The following GPC6 variants were observed in gnomAD, a reference collection of about 807,000 sequenced individuals.
GPC6 encodes glypican-6.
GPC6 carries 14 observed loss-of-function variants against 55.2 expected under a neutral mutation model. That is an observed-to-expected ratio of 0.25 (90% CI 0.17 to 0.40). GPC6 has a LOEUF of 0.40. Among genes scored for constraint, GPC6 ranks in the 10% least tolerant of loss-of-function variants. GPC6 has a pLI of 1.00. For synonymous variants in GPC6, 278 were observed against 259.6 expected (o/e 1.07, Z -0.68); for missense variants, 641 against 708.5 (o/e 0.90, Z 1.08).
chr13:94,041,149 C>T (rs553347436), intron 4 of GPC6, among the ~76,000 whole-genome samples: 14 of 151,820 alleles, frequency 9.2e-5, no homozygotes, highest in South Asian at 4.2e-4. Flanking sequence ...GAGTTACATC[C>T]GGACATTTAT....
intron 7 of GPC6, among the ~76,000 whole-genome samples, chr13:94,396,686 G>A (rs1880911055): frequency 6.6e-6 from 1 of 152,240 alleles, no homozygotes; most frequent in African/African-American, 2.4e-5. Flanking sequence ...CTGTAGGACA[G>A]GAAGGCATGG....
intron 4 of GPC6, among the ~76,000 whole-genome samples, chr13:94,212,201 T>G (rs527800438): frequency 3.2e-4 from 48 of 152,336 alleles, no homozygotes; most frequent in African/African-American, 1.1e-3. Context: ...AACTTATTTT[T>G]TTTCAACATC....
intron 3 of GPC6, among the ~76,000 whole-genome samples, chr13:93,934,722 C>T (rs1878347761): frequency 6.6e-6 from 1 of 151,922 alleles, no homozygotes; most frequent in African/African-American, 2.4e-5. Context: ...TAGTGTCTGA[C>T]TTTGTGAATT....
intron 2 of GPC6, among the ~76,000 whole-genome samples, chr13:93,726,233 A>G (rs1883636150): frequency 6.6e-6 from 1 of 151,240 alleles, no homozygotes; most frequent in South Asian, 2.1e-4. Flanking sequence ...TCGTGTATCG[A>G]ACATGGTGAC....
intron 4 of GPC6, among the ~76,000 whole-genome samples, chr13:94,208,753 CAAAAAA>C (rs762261930): frequency 3.9e-4 from 14 of 36,228 alleles, no homozygotes; most frequent in African/African-American, 1.6e-3. Context: ...TCCCATCTCC[CAAAAAA>C]AAAAAAAAAA....
At chr13:94,314,511 A>T (rs1160510564) in intron 6 of GPC6, among the ~76,000 whole-genome samples, 1 of 152,202 alleles carries the variant, frequency 6.6e-6, no homozygotes, top group East Asian at 1.9e-4. Flanking sequence ...TCTGCTATGT[A>T]ATTGGTGTTT....
chr13:94,361,057 T>C (rs1879038404), intron 6 of GPC6, among the ~76,000 whole-genome samples: 1 of 152,206 alleles, frequency 6.6e-6, no homozygotes, highest in Admixed American at 6.5e-5. Flanking sequence ...ACCATAGAAA[T>C]GCAATTCTCA....
chr13:94,011,664 C>T (rs1882250919), intron 3 of GPC6, among the ~76,000 whole-genome samples: 1 of 152,180 alleles, frequency 6.6e-6, no homozygotes, highest in South Asian at 2.1e-4. Context: ...TCCCAATATT[C>T]CACTTTGAGT....
chr13:94,112,109 G>C (rs980734974), intron 4 of GPC6, among the ~76,000 whole-genome samples: 5 of 152,024 alleles, frequency 3.3e-5, no homozygotes, highest in Admixed American at 1.3e-4. Context: ...ATATTCACTA[G>C]ACATTTGCTG....
chr13:94,196,978 G>A (rs548438052), intron 4 of GPC6, among the ~76,000 whole-genome samples: 1 of 152,156 alleles, frequency 6.6e-6, no homozygotes, highest in East Asian at 1.9e-4. Context: ...ATCTCTGCTG[G>A]AATAAATATA....
At chr13:93,238,193 A>G (rs941887140) in intron 1 of GPC6, among the ~76,000 whole-genome samples, 1 of 152,212 alleles carries the variant, frequency 6.6e-6, no homozygotes, top group South Asian at 2.1e-4. Flanking sequence ...CTTCCAATCC[A>G]TAAGCATGGG....
chr13:93,553,415 A>G (rs1163774873), intron 2 of GPC6, among the ~76,000 whole-genome samples: 1 of 151,918 alleles, frequency 6.6e-6, no homozygotes, highest in African/African-American at 2.4e-5. Context: ...GAGATGGGCC[A>G]GGCGCAGTGG....
intron 3 of GPC6, among the ~76,000 whole-genome samples, chr13:93,931,766 A>G (rs896691280): frequency 9.0e-4 from 90 of 99,778 alleles, no homozygotes; most frequent in African/African-American, 3.9e-3. Flanking sequence ...TCTGTCTCAG[A>G]AAAAAAAAAA....
chr13:94,100,292 G>T (rs923901022), intron 4 of GPC6, among the ~76,000 whole-genome samples: 2 of 152,008 alleles, frequency 1.3e-5, no homozygotes, highest in Non-Finnish European at 2.9e-5. Context: ...GGTAGCAAAG[G>T]AAAAAATCAA....
intron 2 of GPC6, among the ~76,000 whole-genome samples, chr13:93,806,127 A>G (rs568685159): frequency 1.2e-4 from 18 of 152,274 alleles, no homozygotes; most frequent in Admixed American, 5.9e-4. Flanking sequence ...TTTGAACACC[A>G]TGGAATGCAT....
At chr13:93,607,204 C>T (rs1878268684) in intron 2 of GPC6, among the ~76,000 whole-genome samples, 1 of 152,132 alleles carries the variant, frequency 6.6e-6, no homozygotes, top group Non-Finnish European at 1.5e-5. Context: ...GATATGACAT[C>T]TGAATACAAT....
chr13:93,442,537 A>G (rs1877844718), intron 1 of GPC6, among the ~76,000 whole-genome samples: 1 of 152,204 alleles, frequency 6.6e-6, no homozygotes, highest in African/African-American at 2.4e-5. Context: ...AATAAATTCT[A>G]AGGAAGCATG....
chr13:93,830,969 CAAGTTATTGTT>C, intron 3 of GPC6: 1 of 168,676 alleles, frequency 5.9e-6, no homozygotes, highest in Non-Finnish European at 1.3e-5. Flanking sequence ...CGAATGGAGA[CAAGTTATTGTT>C]CAGGACATCA....
chr13:94,009,475 A>G (rs187366580), intron 3 of GPC6, among the ~76,000 whole-genome samples: 1 of 152,306 alleles, frequency 6.6e-6, no homozygotes, highest in Admixed American at 6.5e-5. Context: ...TGCTGGCATT[A>G]TGCACCACAT....
Sources: allele counts gnomAD v4.1 joint callset (sites outside exome capture counted in the v4.1 genomes callset), GRCh38; gene constraint gnomAD v4.1.1; transcripts MANE v1.5; gene names NCBI Gene and HGNC (gene_info 2026-07-23, HGNC 2026-07-21).